PPP1R12A: variants seen among roughly 807,000 people sequenced by gnomAD.
PPP1R12A encodes myosin binding subunit.
In PPP1R12A, 19 loss-of-function variants were observed where a neutral mutation model predicts 139.6. That is an observed-to-expected ratio of 0.14 (90% CI 0.09 to 0.20). The LOEUF (loss-of-function observed/expected upper bound fraction) is 0.20. PPP1R12A is among the 10% of genes least tolerant of loss of function. The pLI is 1.00. For missense variants in PPP1R12A, 925 were observed against 1,211.5 expected (o/e 0.76, Z 3.51); for synonymous variants, 427 against 420.6 (o/e 1.02, Z -0.19).
At chr12:79,903,850 A>G (rs987565491) in intron 1 of PPP1R12A, among the ~76,000 whole-genome samples, 3 of 152,212 alleles carry the variant, frequency 2.0e-5, no homozygotes, top group Non-Finnish European at 1.5e-5. Context: ...TACAACTATT[A>G]CTGTCTAGCT....
At position 79,872,899 on chromosome 12, in the gene PPP1R12A, C is replaced by G; in HGVS notation, c.277G>C (p.Val93Leu). The G allele has an allele frequency of 1.2e-6, 2 of 1,613,258 alleles. No individual in the cohort carries two copies. The highest frequency in any genetic ancestry group is 1.7e-6 in the Non-Finnish European group (2 of 1,179,622). The change falls in exon 2 of 25, where the codon GTA becomes CTA. Residue 93 changes from valine (V) to leucine (L), a missense_variant. Coordinates refer to ENST00000450142, the MANE Select transcript of PPP1R12A (RefSeq NM_002480.3). ...DDNVDMVKFL[V>L]ENGANINQPD... The stretch of plus-strand genomic sequence containing the variant: ...TGATTAATATTTGCTCCATTTTCTA[C>G]CAGAAACTTCACCATATCAACATTG...
intron 3 of PPP1R12A, among the ~76,000 whole-genome samples, chr12:79,839,016 C>T (rs990146343): frequency 4.6e-5 from 7 of 152,326 alleles, no homozygotes; most frequent in Admixed American, 1.3e-4. Flanking sequence ...TCAACACTGG[C>T]CCATGAAAGA....
chr12:79,828,676 A>C (rs1167797671), intron 4 of PPP1R12A, among the ~76,000 whole-genome samples: 1 of 152,170 alleles, frequency 6.6e-6, no homozygotes, highest in Admixed American at 6.5e-5. Flanking sequence ...TGCCATAATA[A>C]TGCAGTTTTA....
chr12:79,933,821 G>T (rs144999211), intron 1 of PPP1R12A, among the ~76,000 whole-genome samples: 94 of 152,316 alleles, frequency 6.2e-4, no homozygotes, highest in African/African-American at 2.2e-3. Flanking sequence ...CATCCATTTT[G>T]AGAAAAGTTT....
chr12:79,887,378 A>G lies in PPP1R12A; in HGVS notation c.238-14440T>C, dbSNP rs114592985. Among the ~76,000 whole-genome samples the G allele has an allele frequency of 5.2e-3, 785 of 152,208 alleles. 5 individuals carry two copies. The highest frequency in any genetic ancestry group is 0.018 in the African/African-American group (745 of 41,542). On this transcript the variant is annotated intron_variant, in intron 1 of 24. Transcript: ENST00000450142. Reference sequence around the variant, plus strand: ...ACATTCCATAATTCCTGACAGTGCTATTTCAATAAATTTTTGTTGATGAAC... The same window carrying G: ...ACATTCCATAATTCCTGACAGTGCTGTTTCAATAAATTTTTGTTGATGAAC...
chr12:79,914,571 C>T (rs1285051197), intron 1 of PPP1R12A, among the ~76,000 whole-genome samples: 24 of 152,116 alleles, frequency 1.6e-4, no homozygotes, highest in Non-Finnish European at 2.9e-5. Context: ...TTTCTGAACT[C>T]GCTTATTATT....
rs746312139 is a variant in PPP1R12A at position 79,797,390 on chromosome 12, C to G, written c.2097G>C (p.Val699=). ...CAGCTTCTTGAAGATCAGTTAATGT[C>G]ACTCCCTGCACACACAAAAAGATCA... ...ARQSRRSTQG[V]TLTDLQEAEK... The change falls in exon 16 of 25, where the codon GTG becomes GTC. Residue 699 remains valine (V), a synonymous_variant. Coordinates refer to ENST00000450142, the MANE Select transcript of PPP1R12A (RefSeq NM_002480.3). 1.3e-6 allele frequency: 2 copies of G among 1,585,816 alleles called. No individual in the cohort carries two copies. Among genetic ancestry groups the G allele is most frequent in the Non-Finnish European group, 8.6e-7 (1 of 1,169,294 alleles).
chr12:79,853,899 T>C (rs532536648), intron 2 of PPP1R12A, among the ~76,000 whole-genome samples: 2 of 152,332 alleles, frequency 1.3e-5, no homozygotes, highest in African/African-American at 4.8e-5. Flanking sequence ...ATCAATGACT[T>C]TGTATAATTG....
intron 3 of PPP1R12A, 186 bp from the exon 4 acceptor site, chr12:79,832,677 C>T (rs1024669198): frequency 2.3e-6 from 1 of 436,006 alleles, no homozygotes; most frequent in Non-Finnish European, 3.9e-6. Flanking sequence ...CTTGTATTAA[C>T]TTTTTCTACT....
At chr12:79,844,967 C>G (rs1879210621) in intron 3 of PPP1R12A, among the ~76,000 whole-genome samples, 1 of 152,178 alleles carries the variant, frequency 6.6e-6, no homozygotes, top group African/African-American at 2.4e-5. Flanking sequence ...ATCAGTGAGC[C>G]TTCTTGACCA....
At chr12:79,820,125 A>C (rs1011256775) in intron 8 of PPP1R12A, among the ~76,000 whole-genome samples, 2 of 152,190 alleles carry the variant, frequency 1.3e-5, no homozygotes, top group Non-Finnish European at 2.9e-5. Flanking sequence ...GATTACAGAA[A>C]AAAACTCATG....
intron 1 of PPP1R12A, among the ~76,000 whole-genome samples, chr12:79,897,896 G>C (rs1303154370): frequency 2.0e-5 from 3 of 152,156 alleles, no homozygotes; most frequent in Non-Finnish European, 4.4e-5. Flanking sequence ...CAATCTCTAG[G>C]ACTGAGTAAT....
chr12:79,918,448 A>G (rs1887173532), intron 1 of PPP1R12A, among the ~76,000 whole-genome samples: 1 of 152,134 alleles, frequency 6.6e-6, no homozygotes, highest in Admixed American at 6.6e-5. Flanking sequence ...TCATTCTGCA[A>G]TATCAATACT....
intron 2 of PPP1R12A, among the ~76,000 whole-genome samples, chr12:79,852,062 T>C (rs944347275): frequency 4.6e-5 from 7 of 152,224 alleles, no homozygotes; most frequent in East Asian, 1.9e-4. Flanking sequence ...CATTTTAAGA[T>C]AGCTGGCTTT....
chr12:79,806,614 G>C (rs1873869661), intron 12 of PPP1R12A, among the ~76,000 whole-genome samples: 1 of 152,196 alleles, frequency 6.6e-6, no homozygotes, highest in African/African-American at 2.4e-5. Context: ...CACACCATAT[G>C]GTCATGCCAG....
intron 21 of PPP1R12A, chr12:79,787,322 A>ATATTTCTTCCACTCTACTAGCTAT (rs1353497727): frequency 1.3e-5 from 2 of 152,168 alleles, no homozygotes; most frequent in East Asian, 3.9e-4. Context: ...CCTCAAATGA[A>ATATTTCTTCCACTCTACTAGCTAT]TATTTCTTCC....
chr12:79,775,841 G>T lies in PPP1R12A; in HGVS notation c.*88C>A. On this transcript the variant is annotated 3_prime_UTR_variant, in exon 25 of 25. Transcript: ENST00000450142. ...ATATCCGAAAATGACAGTCTCCAAG[G>T]ATTCTTCCCAGACTTCCAGTGACTG... is the stretch of plus-strand genomic sequence containing the variant. The T allele has an allele frequency of 3.5e-6, 3 of 847,962 alleles. No individual in the cohort carries two copies. The highest frequency in any genetic ancestry group is 3.5e-6 in the Non-Finnish European group (2 of 578,934). 52.5% of individuals were successfully genotyped at this position (847,962 alleles called of 1,614,324 possible).
At chr12:79,906,095 G>A (rs1248081133) in intron 1 of PPP1R12A, among the ~76,000 whole-genome samples, 1 of 151,918 alleles carries the variant, frequency 6.6e-6, no homozygotes, top group African/African-American at 2.4e-5. Context: ...TAGCACCAAA[G>A]CAAGCATACA....
At chr12:79,795,596 A>G in intron 18 of PPP1R12A, 42 bp downstream of exon 18, 1 of 1,571,304 alleles carries the variant, frequency 6.4e-7, no homozygotes, top group Non-Finnish European at 8.7e-7. Context: ...TAAGAATACT[A>G]TCAAGAATAC....
Sources: gnomAD v4.1 joint callset for allele counts (sites outside exome capture counted in the v4.1 genomes callset) on GRCh38, gnomAD v4.1.1 for gene constraint, MANE v1.5 for transcripts, NCBI Gene and HGNC (gene_info 2026-07-23, HGNC 2026-07-21) for gene names.